Variants in CHODL observed in about 807,000 individuals in gnomAD.
CHODL encodes the protein transmembrane protein MT75.
Under a neutral mutation model 34.5 loss-of-function variants are expected in CHODL, and 29 were observed. The ratio of observed to expected loss-of-function variants is 0.84; its 90% confidence interval spans 0.63 to 1.15. The LOEUF (loss-of-function observed/expected upper bound fraction) is 1.15, where lower values mean the gene tolerates loss of function less well. Among genes scored for constraint, CHODL ranks in the 50% most tolerant of loss-of-function variants. CHODL has a pLI of 0.00. For missense variants in CHODL, 332 were observed against 332.5 expected (o/e 1.00, Z 0.01); for synonymous variants, 125 against 116.1 (o/e 1.08, Z -0.49).
intron 1 of CHODL, among the ~76,000 whole-genome samples, chr21:17,989,589 C>CA (rs2063781080): frequency 6.6e-6 from 1 of 152,040 alleles, no homozygotes; most frequent in African/African-American, 2.4e-5. Context: ...TGTAACAAAA[C>CA]AAAAATGAAG....
At chr21:18,239,080 A>G (rs2074056952) in intron 2 of CHODL, among the ~76,000 whole-genome samples, 1 of 152,148 alleles carries the variant, frequency 6.6e-6, no homozygotes, top group Admixed American at 6.5e-5. Context: ...TTTCTGCTGT[A>G]AAGGATCAAG....
intron 1 of CHODL, among the ~76,000 whole-genome samples, chr21:18,025,026 CA>C (rs2064160946): frequency 2.0e-5 from 3 of 152,162 alleles, no homozygotes; most frequent in African/African-American, 7.2e-5. Context: ...CTTCCAGAAC[CA>C]AAAGAACAAA....
rs115321651 is a variant in CHODL at position 18,263,954 on chromosome 21, T to C, written c.737+1061T>C. ...ACTTTTGTGCTTTTTATAAACTTTCTTGGCTTATTTTCCATACATGTTAGA... is the reference window on the plus strand; with the variant it reads ...ACTTTTGTGCTTTTTATAAACTTTCCTGGCTTATTTTCCATACATGTTAGA... On this transcript the variant is annotated intron_variant, in intron 5 of 5. Coordinates refer to ENST00000299295, the MANE Select transcript of CHODL (RefSeq NM_024944.3). Among the ~76,000 whole-genome samples the C allele has an allele frequency of 5.8e-3, 886 of 152,042 alleles. 11 individuals carry two copies. The highest frequency in any genetic ancestry group is 0.021 in the African/African-American group (862 of 41,360).
At chr21:18,239,911 T>C (rs1163965494), upstream of CHODL, among the ~76,000 whole-genome samples, 1 of 152,032 alleles carries the variant, frequency 6.6e-6, no homozygotes, top group Non-Finnish European at 1.5e-5. Context: ...CATTGTCATT[T>C]TTATAGGAAA....
At chr21:18,171,056 C>T (rs1645972833) in intron 2 of CHODL, among the ~76,000 whole-genome samples, 1 of 147,016 alleles carries the variant, frequency 6.8e-6, no homozygotes, top group Admixed American at 6.8e-5. Context: ...TTTTCTTTGG[C>T]AGTCTTATTT....
chr21:17,978,381 C>T (rs1347076545), intron 1 of CHODL, among the ~76,000 whole-genome samples: 2 of 145,130 alleles, frequency 1.4e-5, no homozygotes, highest in Non-Finnish European at 3.0e-5. Context: ...AAGATGGCGC[C>T]ACTGCACTCC....
intron 2 of CHODL, among the ~76,000 whole-genome samples, chr21:18,154,769 G>A (rs1482233308): frequency 2.6e-5 from 4 of 152,174 alleles, no homozygotes; most frequent in African/African-American, 7.2e-5. Flanking sequence ...TGTTTATGGT[G>A]TGTTCTGTAA....
intron 2 of CHODL, among the ~76,000 whole-genome samples, chr21:18,202,094 G>A (rs759413777): frequency 1.8e-4 from 28 of 152,046 alleles, no homozygotes; most frequent in African/African-American, 5.8e-4. Context: ...CATCAGCCAC[G>A]GCGCCCGGCC....
intron 1 of CHODL, among the ~76,000 whole-genome samples, chr21:18,251,137 C>G (rs1041866772): frequency 6.6e-6 from 1 of 151,202 alleles, no homozygotes; most frequent in Non-Finnish European, 1.5e-5. Context: ...TTTGGCCCCA[C>G]TTTATATCAT....
intron 1 of CHODL, among the ~76,000 whole-genome samples, chr21:17,998,576 A>C (rs1030998217): frequency 1.3e-5 from 2 of 152,214 alleles, no homozygotes; most frequent in Non-Finnish European, 2.9e-5. Context: ...AGGCATTTCC[A>C]TACATCTTCT....
chr21:18,010,858 G>A (rs879421507), intron 1 of CHODL, among the ~76,000 whole-genome samples: 2 of 152,156 alleles, frequency 1.3e-5, no homozygotes, highest in African/African-American at 2.4e-5. Flanking sequence ...GTTTGTTTAA[G>A]CAAGGTAAAA....
intron 1 of CHODL, among the ~76,000 whole-genome samples, chr21:18,015,605 G>C (rs928571409): frequency 3.3e-5 from 5 of 152,138 alleles, no homozygotes; most frequent in African/African-American, 1.2e-4. Flanking sequence ...CAACTTGAGG[G>C]CTCAGAAGAA....
intron 1 of CHODL, among the ~76,000 whole-genome samples, chr21:17,937,172 T>A (rs1035932699): frequency 3.3e-5 from 5 of 151,786 alleles, no homozygotes; most frequent in Admixed American, 1.3e-4. Context: ...AAGTTCAAGA[T>A]CTTGATGATC....
chr21:18,227,405 A>G (rs1185727737), intron 2 of CHODL, among the ~76,000 whole-genome samples: 1 of 152,186 alleles, frequency 6.6e-6, no homozygotes, highest in Non-Finnish European at 1.5e-5. Context: ...TCTGATATGT[A>G]CATTTTAAAA....
chr21:18,128,075 C>T (rs1041472524), intron 2 of CHODL, among the ~76,000 whole-genome samples: 67 of 151,316 alleles, frequency 4.4e-4, no homozygotes, highest in Non-Finnish European at 4.6e-4. Context: ...CGGAGGTGGG[C>T]GGATCACGAG....
intron 2 of CHODL, among the ~76,000 whole-genome samples, chr21:18,209,821 C>T (rs1462032682): frequency 6.6e-6 from 1 of 152,106 alleles, no homozygotes; most frequent in Non-Finnish European, 1.5e-5. Flanking sequence ...AAATGTTGTC[C>T]AGGAGCTAGG....
At chr21:18,044,371 A>C (rs1391292240) in intron 2 of CHODL, among the ~76,000 whole-genome samples, 1 of 152,006 alleles carries the variant, frequency 6.6e-6, no homozygotes. Flanking sequence ...TTCTTCAGTT[A>C]GGAAGAGATT....
intron 2 of CHODL, among the ~76,000 whole-genome samples, chr21:18,081,367 AG>A (rs1474070409): frequency 6.6e-6 from 1 of 152,114 alleles, no homozygotes; most frequent in Non-Finnish European, 1.5e-5. Context: ...GAGAACTTAC[AG>A]TACTATGTTG....
rs2064258107 is a variant in CHODL at position 18,032,403 on chromosome 21, T to G, written c.-45+4432T>G. Among the ~76,000 whole-genome samples the G allele has an allele frequency of 1.1e-4, 17 of 152,128 alleles. 2 individuals carry two copies. The South Asian group carries it at 3.5e-3, about 32-fold the overall frequency. ...TTAGGAAAATACAGAATGCATACAATAAAGTTCTGAAGGGGAGAAAATAGA... is the reference window on the plus strand; with the variant it reads ...TTAGGAAAATACAGAATGCATACAAGAAAGTTCTGAAGGGGAGAAAATAGA... On this transcript the variant is annotated intron_variant, in intron 2 of 6. Transcript: ENST00000400127.
Sources: allele counts gnomAD v4.1 joint callset (sites outside exome capture counted in the v4.1 genomes callset), GRCh38; gene constraint gnomAD v4.1.1; transcripts MANE v1.5; gene names NCBI Gene and HGNC (gene_info 2026-07-23, HGNC 2026-07-21).